PDK3: variants seen among roughly 807,000 people sequenced by gnomAD.
PDK3 encodes the protein pyruvate dehydrogenase kinase, isozyme 3.
In PDK3, 12 loss-of-function variants were observed where a neutral mutation model predicts 32.0. That is an observed-to-expected ratio of 0.37 (90% CI 0.24 to 0.61). The LOEUF (loss-of-function observed/expected upper bound fraction) is 0.61, where lower values mean the gene tolerates loss of function less well. Among genes scored for constraint, PDK3 ranks in the 20% least tolerant of loss-of-function variants. The probability of loss-of-function intolerance (pLI) is 0.65; values close to 1 mark genes in which losing one functional copy is unlikely to be tolerated. For synonymous variants in PDK3, 122 were observed against 116.3 expected (o/e 1.05, Z -0.31); for missense variants, 188 against 316.9 (o/e 0.59, Z 3.09).
chrX:24,540,889 CTTTTTTTTTTTTTTTTTTTTTTTTTT>C (rs369307335), exon 12 of PDK3, among the ~76,000 whole-genome samples: 6 of 36,678 alleles, frequency 1.6e-4, no homozygotes, highest in Admixed American at 9.4e-4. Context: ...CCCTAGCTTC[CTTTTTTTTTTTTTTTTTTTTTTTTTT>C]TTTTTTTTTT....
At chrX:24,478,700 A>G (rs1921174828) in intron 1 of PDK3, among the ~76,000 whole-genome samples, 1 of 112,033 alleles carries the variant, frequency 8.9e-6, no homozygotes, top group African/African-American at 3.2e-5. Flanking sequence ...GTAGTAAACT[A>G]TTACATTTGC....
At chrX:24,467,919 C>T (rs1486684751) in intron 1 of PDK3, among the ~76,000 whole-genome samples, 1 of 111,754 alleles carries the variant, frequency 8.9e-6, no homozygotes, top group East Asian at 2.8e-4. Flanking sequence ...TCCAAAGGGG[C>T]AGCTGATTGG....
In PDK3 at chrX:24,519,143, A is replaced by G. The variant is rs761785498; in HGVS notation, c.673+133A>G. 36 of 437,498 alleles carry G rather than the reference A, an allele frequency of 8.2e-5. No homozygotes were observed. In the East Asian group the frequency reaches 1.4e-3, roughly 17 times the overall value. 36.1% of individuals were successfully genotyped at this position (437,498 alleles called of 1,213,427 possible). Reference sequence around the variant, plus strand: ...TTCTTATATCTTTTTAAAACTTTCTACGCTTTTGGTCAACCAGATATATTA... The same window carrying G: ...TTCTTATATCTTTTTAAAACTTTCTGCGCTTTTGGTCAACCAGATATATTA... On this transcript the variant is annotated intron_variant, in intron 6 of 10. Coordinates refer to ENST00000379162, the MANE Select transcript of PDK3 (RefSeq NM_005391.5).
chrX:24,500,836 T>C (rs780154568), intron 3 of PDK3, among the ~76,000 whole-genome samples: 2 of 111,806 alleles, frequency 1.8e-5, no homozygotes, highest in South Asian at 3.8e-4. Context: ...GCCCGGAAGA[T>C]TGGAGGAGAA....
At chrX:24,480,729 G>T (rs1389165986) in intron 1 of PDK3, among the ~76,000 whole-genome samples, 1 of 112,457 alleles carries the variant, frequency 8.9e-6, no homozygotes, top group African/African-American at 3.2e-5. Flanking sequence ...TCTGGATTTG[G>T]AATGAAATGG....
At chrX:24,528,603 C>T (rs368217232) in intron 9 of PDK3, among the ~76,000 whole-genome samples, 4 of 112,776 alleles carry the variant, frequency 3.5e-5, no homozygotes, top group South Asian at 7.3e-4. Context: ...GCGCGAATCA[C>T]CTAGTGCCTT....
intron 1 of PDK3, among the ~76,000 whole-genome samples, chrX:24,480,975 GT>G (rs1194230142): frequency 9.0e-6 from 1 of 111,621 alleles, no homozygotes; most frequent in African/African-American, 3.3e-5. Context: ...TATCCAAAAT[GT>G]TGTTGGAGGC....
intron 4 of PDK3, 71 bp from the exon 5 acceptor site, chrX:24,505,138 T>C: frequency 2.8e-6 from 2 of 704,993 alleles, no homozygotes; most frequent in East Asian, 3.4e-5. Context: ...CATAAGCCCC[T>C]ATATTTCCCT....
chrX:24,488,603 C>T (rs1311986497), intron 1 of PDK3, among the ~76,000 whole-genome samples: 5 of 111,644 alleles, frequency 4.5e-5, no homozygotes, highest in East Asian at 2.8e-4. Context: ...GCAGGAGAAT[C>T]GCTTGAACTC....
exon 12 of PDK3, chrX:24,546,637 CTG>C (rs1271249636): frequency 2.7e-5 from 3 of 112,115 alleles, no homozygotes; most frequent in Non-Finnish European, 5.6e-5. Context: ...GGCCAGGACA[CTG>C]TTACTTTGTG....
chrX:24,496,566 A>ATTTTTTTTTTTTTTTTT (rs1921707593), intron 2 of PDK3, among the ~76,000 whole-genome samples: 6 of 41,124 alleles, frequency 1.5e-4, no homozygotes, highest in Admixed American at 2.5e-4. Context: ...TACTACCCCC[A>ATTTTTTTTTTTTTTTTT]TCTTTTTTTT....
chrX:24,546,118 G>A (rs781396785), exon 12 of PDK3: 1 of 111,704 alleles, frequency 9.0e-6, no homozygotes, highest in South Asian at 3.9e-4. Context: ...GGACCCTGTC[G>A]AGGTCCCCAC....
downstream of PDK3, among the ~76,000 whole-genome samples, chrX:24,537,117 C>CTT (rs34294652): frequency 1.5e-3 from 122 of 82,706 alleles, no homozygotes; most frequent in Middle Eastern, 7.3e-3. Flanking sequence ...CTTTTCTTTT[C>CTT]TTTTTTTTTT....
chrX:24,540,343 C>CTACTTTGA (rs766871412), exon 12 of PDK3, among the ~76,000 whole-genome samples: 1 of 112,309 alleles, frequency 8.9e-6, no homozygotes, highest in African/African-American at 3.2e-5. Flanking sequence ...TATATATCAT[C>CTACTTTGA]TACTTTGATT....
At chrX:24,473,519 C>T (rs1921028767) in intron 1 of PDK3, among the ~76,000 whole-genome samples, 1 of 109,638 alleles carries the variant, frequency 9.1e-6, no homozygotes, top group Non-Finnish European at 1.9e-5. Context: ...TCACTGCAAC[C>T]TCTGCCTCCC....
rs759294550 is a variant in PDK3 at position 24,521,764 on chromosome X, G to T, written c.673+2754G>T. On this transcript the variant is annotated intron_variant, in intron 6 of 10. Coordinates refer to ENST00000379162, the MANE Select transcript of PDK3 (RefSeq NM_005391.5). Reference sequence around the variant, plus strand: ...TCACCCACCAGGAGAGGAGCTTTCCGACTCTTTTTGGCATTGTCTCACGAA... The same window carrying T: ...TCACCCACCAGGAGAGGAGCTTTCCTACTCTTTTTGGCATTGTCTCACGAA... Among the ~76,000 whole-genome samples the T allele has an allele frequency of 4.5e-5, 5 of 111,702 alleles. No individual in the cohort carries two copies. The East Asian group carries it at 1.4e-3, about 31-fold the overall frequency.
At chrX:24,493,890 T>G (rs757880616) in intron 1 of PDK3, among the ~76,000 whole-genome samples, 1 of 112,257 alleles carries the variant, frequency 8.9e-6, no homozygotes, top group African/African-American at 3.2e-5. Context: ...CCATGGAGTT[T>G]CCAGCAGGGC....
chrX:24,500,616 T>G (rs1342547961), intron 3 of PDK3, among the ~76,000 whole-genome samples: 2 of 112,332 alleles, frequency 1.8e-5, no homozygotes, highest in Non-Finnish European at 3.8e-5. Flanking sequence ...GTAGCTTGCC[T>G]AGGTTCATGT....
At chrX:24,491,814 C>T (rs1013123711) in intron 1 of PDK3, among the ~76,000 whole-genome samples, 14 of 110,740 alleles carry the variant, frequency 1.3e-4, no homozygotes, top group African/African-American at 4.6e-4. Flanking sequence ...AATTAGCCAG[C>T]TGTCCCACCT....
Sources: gnomAD v4.1 joint callset for allele counts (sites outside exome capture counted in the v4.1 genomes callset) on GRCh38, gnomAD v4.1.1 for gene constraint, MANE v1.5 for transcripts, NCBI Gene and HGNC (gene_info 2026-07-23, HGNC 2026-07-21) for gene names.